The following PIEZO2 variants were observed in gnomAD, a reference collection of about 807,000 sequenced individuals.
PIEZO2 encodes the protein piezo type mechanosensitive ion channel component 2, also known as piezo-type mechanosensitive ion channel component 2.
PIEZO2 carries 172 observed loss-of-function variants against 337.3 expected under a neutral mutation model. That is an observed-to-expected ratio of 0.51 (90% CI 0.45 to 0.58). PIEZO2 has a LOEUF of 0.58. PIEZO2 is among the 20% of genes least tolerant of loss of function. PIEZO2 has a pLI of 0.00. For missense variants in PIEZO2, 3,028 were observed against 3,391.3 expected (o/e 0.89, Z 2.66); for synonymous variants, 1,251 against 1,228.5 (o/e 1.02, Z -0.38).
At chr18:10,719,190 T>G (rs952509892) in intron 36 of PIEZO2, among the ~76,000 whole-genome samples, 5 of 152,130 alleles carry the variant, frequency 3.3e-5, no homozygotes, top group African/African-American at 9.7e-5. Context: ...ACAAGAAATT[T>G]TAAATTTAAG....
intron 4 of PIEZO2, among the ~76,000 whole-genome samples, chr18:10,900,759 T>C (rs2043024664): frequency 6.6e-6 from 1 of 152,056 alleles, no homozygotes; most frequent in African/African-American, 2.4e-5. Context: ...CCTGGCAAAC[T>C]CTCATCCAGA....
chr18:11,140,676 A>G (rs1227178406), intron 1 of PIEZO2, among the ~76,000 whole-genome samples: 2 of 152,132 alleles, frequency 1.3e-5, no homozygotes, highest in Admixed American at 6.5e-5. Flanking sequence ...GGTACCTTCA[A>G]CCACAGGAGG....
At chr18:10,728,693 C>T (rs2036635029) in intron 36 of PIEZO2, among the ~76,000 whole-genome samples, 2 of 151,894 alleles carry the variant, frequency 1.3e-5, no homozygotes, top group South Asian at 2.1e-4. Flanking sequence ...CAGTGACTCA[C>T]GCCTGTAATC....
Position 10,726,919 on chromosome 18 carries a change from G to C in PIEZO2, c.5029+4488C>G. 6.4e-7 allele frequency: 1 copy of C among 1,565,698 alleles called. No individual in the cohort carries two copies. On this transcript the variant is annotated intron_variant, in intron 36 of 55. Coordinates refer to ENST00000674853, the MANE Select transcript of PIEZO2 (RefSeq NM_001378183.1). The surrounding 1 kb of genome is among the most constrained non-coding windows in gnomAD (Gnocchi z 5.9). ...CAACCGGCTGGATGTGGCGGAGCTG[G>C]GTCGCCTGCTGCCCGACTGATGTAG...
In PIEZO2 at chr18:10,726,640, C is replaced by G; in HGVS notation, c.5029+4767G>C. The G allele has an allele frequency of 7.2e-7, 1 of 1,397,684 alleles. No homozygotes were observed. Among genetic ancestry groups the G allele is most frequent in the Non-Finnish European group, 9.7e-7 (1 of 1,035,596 alleles). The allele number at this position is 1,397,684 out of a possible 1,614,324, so 86.6% of individuals were successfully genotyped here. A position where few individuals can be genotyped will look rare whatever the true frequency, so the allele number is the denominator to read the frequency against. Reference sequence around the variant, plus strand: ...CGACGTGCGCTGGGAGTACTGCGCGCGCGCCAAGCGCGGCCAGACAGACAC... The same window carrying G: ...CGACGTGCGCTGGGAGTACTGCGCGGGCGCCAAGCGCGGCCAGACAGACAC... On this transcript the variant is annotated intron_variant, in intron 36 of 55. Coordinates refer to ENST00000674853, the MANE Select transcript of PIEZO2 (RefSeq NM_001378183.1). The surrounding 1 kb of genome is among the most constrained non-coding windows in gnomAD (Gnocchi z 5.9).
rs923303529 is a variant in PIEZO2, at chr18:11,032,851, C to T, written c.160+33276G>A. 2.6e-5 allele frequency among the ~76,000 whole-genome samples: 4 copies of T among 152,204 alleles called. No homozygotes were observed. The highest frequency in any genetic ancestry group is 5.9e-5 in the Non-Finnish European group (4 of 68,032). ...ACCTCGCCTGTTTAAGTAGCCCACCCTAAGCATGTAACAGGCCTAATGAAT... is the reference window on the plus strand; with the variant it reads ...ACCTCGCCTGTTTAAGTAGCCCACCTTAAGCATGTAACAGGCCTAATGAAT... On this transcript the variant is annotated intron_variant, in intron 2 of 55. Coordinates refer to ENST00000674853, the MANE Select transcript of PIEZO2 (RefSeq NM_001378183.1). The surrounding 1 kb of genome is among the most constrained non-coding windows in gnomAD (Gnocchi z 4.9).
At chr18:10,691,933 G>GAACA (rs2034866891) in intron 47 of PIEZO2, among the ~76,000 whole-genome samples, 1 of 151,338 alleles carries the variant, frequency 6.6e-6, no homozygotes, top group Non-Finnish European at 1.5e-5. Context: ...CCTGGATTTG[G>GAACA]TTCCAGTTCT....
At chr18:10,688,391 G>A (rs1205924434) in intron 49 of PIEZO2, among the ~76,000 whole-genome samples, 3 of 152,278 alleles carry the variant, frequency 2.0e-5, no homozygotes, top group South Asian at 4.1e-4. Context: ...CACAATTAAA[G>A]AGTTGATTTT....
chr18:11,088,652 G>T (rs1353107600), intron 1 of PIEZO2, among the ~76,000 whole-genome samples: 1 of 152,194 alleles, frequency 6.6e-6, no homozygotes, highest in East Asian at 1.9e-4. Context: ...TAATGAAGGG[G>T]TGATATTGAT....
rs1007803274 is a variant in PIEZO2 at position 10,903,526 on chromosome 18, T to G, written c.329+7660A>C. ...TCTACCAAAAATAAAAAAAATTAGC[T>G]GGGCATAGTGGCGCGCTCCTGTAGT... is the stretch of plus-strand genomic sequence containing the variant. On this transcript the variant is annotated intron_variant, in intron 4 of 55. Transcript: ENST00000674853. The surrounding 1 kb of genome is among the most constrained non-coding windows in gnomAD (Gnocchi z 4.1). Among the ~76,000 whole-genome samples, 1 of 151,968 alleles carries G rather than the reference T, an allele frequency of 6.6e-6. No individual in the cohort carries two copies. The highest frequency in any genetic ancestry group is 2.4e-5 in the African/African-American group (1 of 41,380).
In PIEZO2 at chr18:10,867,552, A is replaced by G. The variant is rs140707807; in HGVS notation, c.492+3701T>C. On this transcript the variant is annotated intron_variant, in intron 5 of 55. Coordinates refer to ENST00000674853, the MANE Select transcript of PIEZO2 (RefSeq NM_001378183.1). The stretch of plus-strand genomic sequence containing the variant: ...TCCTTCATATTTGACTTGTCAGTCT[A>G]TTAAGAAGCTGCCTCTTTACACAGG... 7.9e-5 allele frequency among the ~76,000 whole-genome samples: 12 copies of G among 152,326 alleles called. No homozygotes were observed. In the East Asian group the frequency reaches 1.5e-3, roughly 20 times the overall value.
intron 49 of PIEZO2, among the ~76,000 whole-genome samples, chr18:10,685,361 T>C (rs12457010): frequency 0.3 from 44,913 of 152,162 alleles, 7,323 homozygotes; most frequent in Non-Finnish European, 0.38. Flanking sequence ...CCATGGATGA[T>C]TTCAAAGGCT....
At chr18:11,029,848 C>T (rs1054700242) in intron 2 of PIEZO2, among the ~76,000 whole-genome samples, 1 of 152,156 alleles carries the variant, frequency 6.6e-6, no homozygotes, top group African/African-American at 2.4e-5. Context: ...CCTATACAGC[C>T]CCCTTAATTG....
chr18:11,066,097 CT>C (rs2038139752), intron 2 of PIEZO2, 29 bp downstream of exon 2: 5 of 1,479,218 alleles, frequency 3.4e-6, no homozygotes, highest in Non-Finnish European at 3.7e-6. Flanking sequence ...CTGTATAACT[CT>C]GTGGTATACG....
Position 10,882,337 on chromosome 18 carries a change from G to T in PIEZO2, c.330-10922C>A, listed in dbSNP as rs372149093. Among the ~76,000 whole-genome samples the T allele has an allele frequency of 4.6e-5, 7 of 152,160 alleles. No homozygotes were observed. In the South Asian group the frequency reaches 1.5e-3, roughly 32 times the overall value. On this transcript the variant is annotated intron_variant, in intron 4 of 55. Coordinates refer to ENST00000674853, the MANE Select transcript of PIEZO2 (RefSeq NM_001378183.1). ...CCAAGGCCTTTCTCCAGTTACCCCC[G>T]GCCCAACTTGAGAGAACTGTTCTGC...
chr18:10,687,010 GCT>G (rs2034572764), intron 49 of PIEZO2, among the ~76,000 whole-genome samples: 1 of 152,134 alleles, frequency 6.6e-6, no homozygotes, highest in Admixed American at 6.5e-5. Flanking sequence ...TCTTCCATTA[GCT>G]CTCTGTTTCA....
chr18:10,779,435 C>T (rs1419324933), intron 18 of PIEZO2, among the ~76,000 whole-genome samples: 1 of 152,184 alleles, frequency 6.6e-6, no homozygotes, highest in Non-Finnish European at 1.5e-5. Context: ...CAAAGGATAA[C>T]TCTGGAGGAT....
Position 10,877,493 on chromosome 18 carries a change from T to G in PIEZO2, c.330-6078A>C, listed in dbSNP as rs1384480706. On this transcript the variant is annotated intron_variant, in intron 4 of 55. Transcript: ENST00000674853. This position sits in a 1 kb window ranked among gnomAD's most constrained non-coding sequence, Gnocchi z 5.3. ...ATTTTCCATTCAGTGTTATTCTTAC[T>G]CCAAATTAGCTCTTCCTCCTATAGT... Among the ~76,000 whole-genome samples, 1 of 152,210 alleles carries G rather than the reference T, an allele frequency of 6.6e-6. No individual in the cohort carries two copies. The highest frequency in any genetic ancestry group is 1.5e-5 in the Non-Finnish European group (1 of 68,034).
At chr18:11,013,296 T>C (rs1305017576) in intron 2 of PIEZO2, among the ~76,000 whole-genome samples, 1 of 152,076 alleles carries the variant, frequency 6.6e-6, no homozygotes, top group African/African-American at 2.4e-5. Flanking sequence ...AGACCAGTCA[T>C]TGCTGGCTTT....
Sources: allele counts gnomAD v4.1 joint callset (sites outside exome capture counted in the v4.1 genomes callset), GRCh38; gene constraint gnomAD v4.1.1; non-coding constraint Gnocchi (gnomAD v3.1); transcripts MANE v1.5; gene names NCBI Gene and HGNC (gene_info 2026-07-23, HGNC 2026-07-21).